Variants in PMPCB observed in about 807,000 individuals in gnomAD.
PMPCB encodes mitochondrial-processing peptidase subunit beta.
In PMPCB, 46 loss-of-function variants were observed where a neutral mutation model predicts 61.5. That is an observed-to-expected ratio of 0.75 (90% CI 0.59 to 0.96). The LOEUF (loss-of-function observed/expected upper bound fraction) is 0.96. PMPCB is among the 40% of genes least tolerant of loss of function. The pLI is 0.00. For synonymous variants in PMPCB, 191 were observed against 201.6 expected (o/e 0.95, Z 0.44); for missense variants, 590 against 602.4 (o/e 0.98, Z 0.22).
At chr7:103,327,598 A>C (rs1339045897) in intron 12 of PMPCB, 8 of 1,156,088 alleles carry the variant, frequency 6.9e-6, no homozygotes, top group Non-Finnish European at 1.0e-5. Flanking sequence ...ACCCAATCCC[A>C]GCAATTAATA....
At chr7:103,299,332 A>T in intron 2 of PMPCB, 111 bp from the exon 3 acceptor site, 1 of 641,640 alleles carries the variant, frequency 1.6e-6, no homozygotes, top group Non-Finnish European at 2.7e-6. Flanking sequence ...AGGTCAAGAA[A>T]ATCTTAGTGT....
At position 103,314,607 on chromosome 7, in the gene PMPCB, A is replaced by G; in HGVS notation, c.*2336A>G. 1 of 985,378 alleles carries G rather than the reference A, an allele frequency of 1.0e-6. No homozygotes were observed. Among genetic ancestry groups the G allele is most frequent in the Non-Finnish European group, 1.2e-6 (1 of 829,864 alleles). 61.0% of individuals were successfully genotyped at this position (985,378 alleles called of 1,614,324 possible). A position where few individuals can be genotyped will look rare whatever the true frequency, so the allele number is the denominator to read the frequency against. On this transcript the variant is annotated 3_prime_UTR_variant, in exon 13 of 13. Transcript: ENST00000249269. ...GGTGCAGGAGAATAAACTCCTTTAT[A>G]AAGAAGTGTCTTTCAGGTGTTCTGA... is the stretch of plus-strand genomic sequence containing the variant.
chr7:103,327,180 A>G (rs1032235828), intron 12 of PMPCB, among the ~76,000 whole-genome samples: 6 of 152,212 alleles, frequency 3.9e-5, no homozygotes, highest in African/African-American at 1.2e-4. Context: ...GTAAATAGCA[A>G]TAAGTAACTG....
rs181654877 is a variant in PMPCB, at chr7:103,299,817, C to T, written c.327+288C>T. 3.7e-4 allele frequency among the ~76,000 whole-genome samples: 56 copies of T among 152,236 alleles called. 1 individual carries two copies. Among genetic ancestry groups the T allele is most frequent in the South Asian group, 8.3e-4 (4 of 4,826 alleles). On this transcript the variant is annotated intron_variant, in intron 3 of 12. Transcript: ENST00000249269. Reference sequence around the variant, plus strand: ...ATAGGATCTGGCTCTGTTGCCTAGGCTGGAGTGCGGTGACGCAATCTGCTT... The same window carrying T: ...ATAGGATCTGGCTCTGTTGCCTAGGTTGGAGTGCGGTGACGCAATCTGCTT...
the PMPCB span, chr7:103,337,684 A>T: frequency 7.2e-7 from 1 of 1,391,414 alleles, no homozygotes; most frequent in Non-Finnish European, 1.0e-6. Flanking sequence ...AAGCATAGCC[A>T]GCCTGTTCCT....
At position 103,314,343 on chromosome 7, in the gene PMPCB, T is replaced by C; in HGVS notation, c.*2072T>C. The C allele has an allele frequency of 1.0e-6, 1 of 985,454 alleles. No individual in the cohort carries two copies. Among genetic ancestry groups the C allele is most frequent in the Non-Finnish European group, 1.2e-6 (1 of 829,934 alleles). The allele number at this position is 985,454 out of a possible 1,614,324, so 61.0% of individuals were successfully genotyped here. On this transcript the variant is annotated 3_prime_UTR_variant, in exon 13 of 13. Transcript: ENST00000249269. ...TCACTATTCAAAAAATGGTGCCAGC[T>C]TGCTGTTTAATGGTACAACTGAAGA... is the stretch of plus-strand genomic sequence containing the variant.
the PMPCB span, among the ~76,000 whole-genome samples, chr7:103,345,611 A>G: frequency 6.7e-6 from 1 of 149,864 alleles, no homozygotes; most frequent in South Asian, 2.1e-4. Context: ...AATATATTAT[A>G]TATATATATA....
exon 13 of PMPCB, chr7:103,329,360 G>C (rs574203670): frequency 6.4e-6 from 1 of 156,978 alleles, no homozygotes; most frequent in South Asian, 1.8e-4. Context: ...CGGCCAAGTC[G>C]GCTCTAGTCC....
downstream of PMPCB, chr7:103,314,751 A>C: frequency 4.6e-6 from 3 of 652,010 alleles, no homozygotes; most frequent in Non-Finnish European, 3.8e-6. Flanking sequence ...TGTAAGTCTC[A>C]TATCTTTAAG....
chr7:103,319,811 G>T, intron 12 of PMPCB: 1 of 1,614,102 alleles, frequency 6.2e-7, no homozygotes, highest in Non-Finnish European at 8.5e-7. Context: ...ATTTTAACCC[G>T]CTCTGCCTCA....
At chr7:103,324,497 A>G in intron 12 of PMPCB, 1 of 1,498,454 alleles carries the variant, frequency 6.7e-7, no homozygotes, top group South Asian at 1.3e-5. Flanking sequence ...AGAATAAAAT[A>G]TATCTACATC....
chr7:103,342,079 G>C, the PMPCB span: 5 of 627,318 alleles, frequency 8.0e-6, no homozygotes, highest in Non-Finnish European at 1.2e-5. Flanking sequence ...TAAAACCACC[G>C]ACTACGAAAA....
At chr7:103,298,802 C>A in intron 2 of PMPCB, 94 bp downstream of exon 2, 2 of 1,178,214 alleles carry the variant, frequency 1.7e-6, no homozygotes, top group South Asian at 2.9e-5. Context: ...GCTGGTGGTT[C>A]AAAAAGGGTG....
intron 12 of PMPCB, chr7:103,327,269 T>C (rs1040312942): frequency 4.0e-5 from 37 of 916,924 alleles, no homozygotes; most frequent in Non-Finnish European, 5.6e-5. Flanking sequence ...TTTAGTCCCA[T>C]AAAGCATCTG....
Position 103,312,285 on chromosome 7 carries a change from A to C in PMPCB, c.*14A>C. Reference sequence around the variant, plus strand: ...CTTCGTGATTAAAATGCTCCTAATCAAGATTGTTTGAACACATGTATTTAT... The same window carrying C: ...CTTCGTGATTAAAATGCTCCTAATCCAGATTGTTTGAACACATGTATTTAT... On this transcript the variant is annotated 3_prime_UTR_variant, in exon 13 of 13. Transcript: ENST00000249269. 6.2e-7 allele frequency: 1 copy of C among 1,608,404 alleles called. No homozygotes were observed. The highest frequency in any genetic ancestry group is 8.5e-7 in the Non-Finnish European group (1 of 1,179,850).
the PMPCB span, chr7:103,337,885 T>C: frequency 9.5e-7 from 1 of 1,048,274 alleles, no homozygotes; most frequent in Non-Finnish European, 1.5e-6. Context: ...TTCTGGTACC[T>C]TAATAAGCAT....
chr7:103,329,611 G>C (rs1192671190), downstream of PMPCB: 2 of 152,064 alleles, frequency 1.3e-5, no homozygotes, highest in African/African-American at 4.8e-5. Flanking sequence ...AGTCAAGAAA[G>C]TATCTAAACT....
rs566688989 is a variant in PMPCB at position 103,314,641 on chromosome 7, C to T, written c.*2370C>T. The T allele has an allele frequency of 7.1e-6, 7 of 985,386 alleles. No homozygotes were observed. In the East Asian group the frequency reaches 6.8e-4, roughly 96 times the overall value. 61.0% of individuals were successfully genotyped at this position (985,386 alleles called of 1,614,324 possible). A position where few individuals can be genotyped will look rare whatever the true frequency, so the allele number is the denominator to read the frequency against. On this transcript the variant is annotated 3_prime_UTR_variant, in exon 13 of 13. Transcript: ENST00000249269. The stretch of plus-strand genomic sequence containing the variant: ...TCTTTCAGGTGTTCTGAAACCCTGC[C>T]TTGTTACTTACCTTTATTAAAAGAA...
chr7:103,347,260 G>A, the PMPCB span, among the ~76,000 whole-genome samples: 2 of 152,116 alleles, frequency 1.3e-5, no homozygotes, highest in African/African-American at 4.8e-5. Context: ...GTATGTGGTG[G>A]CATCCAACTG....
Sources: allele counts gnomAD v4.1 joint callset (sites outside exome capture counted in the v4.1 genomes callset), GRCh38; gene constraint gnomAD v4.1.1; transcripts MANE v1.5; gene names NCBI Gene and HGNC (gene_info 2026-07-23, HGNC 2026-07-21).